The following LHCGR variants were observed in gnomAD, a reference collection of about 807,000 sequenced individuals.
The protein encoded by LHCGR is luteinizing hormone/choriogonadotropin receptor, also known as lutropin-choriogonadotropic hormone receptor.
In LHCGR, 55 loss-of-function variants were observed where a neutral mutation model predicts 60.7. That is an observed-to-expected ratio of 0.91 (90% CI 0.73 to 1.13). The LOEUF is 1.13. Ranked by LOEUF, LHCGR falls within the 50% of genes most tolerant of loss-of-function variation. The pLI, the probability that LHCGR is intolerant of heterozygous loss-of-function variation, is 0.00. For synonymous variants in LHCGR, 337 were observed against 316.5 expected (o/e 1.06, Z -0.69); for missense variants, 862 against 836.0 (o/e 1.03, Z -0.38).
chr2:48,709,321 C>T (rs778767068), intron 7 of LHCGR, among the ~76,000 whole-genome samples: 9 of 152,130 alleles, frequency 5.9e-5, no homozygotes, highest in Non-Finnish European at 1.2e-4. Flanking sequence ...AAGTTTACCA[C>T]CAGACAGCTG....
At chr2:48,725,795 G>A (rs199800412) in intron 3 of LHCGR, 45 bp from the exon 4 acceptor site, 2 of 1,429,764 alleles carry the variant, frequency 1.4e-6, no homozygotes, top group Non-Finnish European at 2.0e-6. Flanking sequence ...TAATAGATGT[G>A]TATTGTTTGA....
chr2:48,749,734 A>AG (rs2103735048), intron 1 of LHCGR, among the ~76,000 whole-genome samples: 1 of 151,648 alleles, frequency 6.6e-6, no homozygotes, highest in African/African-American at 2.4e-5. Context: ...AAAAAAAAAA[A>AG]AAAAGAAGAA....
intron 4 of LHCGR, among the ~76,000 whole-genome samples, chr2:48,725,296 A>T (rs1232059743): frequency 6.6e-6 from 1 of 152,236 alleles, no homozygotes; most frequent in Non-Finnish European, 1.5e-5. Flanking sequence ...ACCCGTGATG[A>T]GAGTCAGACC....
At chr2:48,741,302 C>A (rs1371662363) in intron 1 of LHCGR, among the ~76,000 whole-genome samples, 1 of 152,186 alleles carries the variant, frequency 6.6e-6, no homozygotes. Flanking sequence ...CCCAGTCGAG[C>A]AAGGCAGGCC....
At position 48,755,704 on chromosome 2, in the gene LHCGR, T is replaced by G. The variant is rs942214960; in HGVS notation, c.-33A>C. On this transcript the variant is annotated 5_prime_UTR_variant, in exon 1 of 11. Coordinates refer to ENST00000294954, the MANE Select transcript of LHCGR (RefSeq NM_000233.4). ...GAACTGGGCTTCTGCGGCTTGCCAGTGTCTTGGACGGCCTCTGAGTGCGGC... is the reference window on the plus strand; with the variant it reads ...GAACTGGGCTTCTGCGGCTTGCCAGGGTCTTGGACGGCCTCTGAGTGCGGC... 1 of 1,533,482 alleles carries G rather than the reference T, an allele frequency of 6.5e-7. No individual in the cohort carries two copies. Among genetic ancestry groups the G allele is most frequent in the Non-Finnish European group, 8.7e-7 (1 of 1,146,232 alleles). The allele number at this position is 1,533,482 out of a possible 1,614,324, so 95.0% of individuals were successfully genotyped here.
chr2:48,704,062 A>G (rs1466420704), intron 8 of LHCGR, among the ~76,000 whole-genome samples: 2 of 152,230 alleles, frequency 1.3e-5, no homozygotes, highest in African/African-American at 2.4e-5. Flanking sequence ...GATACATTCC[A>G]TAAATACCTA....
intron 1 of LHCGR, among the ~76,000 whole-genome samples, chr2:48,748,228 C>A (rs1669798272): frequency 6.6e-6 from 1 of 152,156 alleles, no homozygotes; most frequent in African/African-American, 2.4e-5. Flanking sequence ...TCCTGGAGGG[C>A]AGAGATGGTA....
At chr2:48,728,331 AAT>A (rs2103617929) in intron 3 of LHCGR, among the ~76,000 whole-genome samples, 1 of 152,274 alleles carries the variant, frequency 6.6e-6, no homozygotes, top group East Asian at 1.9e-4. Context: ...ACATAGAAGA[AAT>A]GCCAAGCACA....
chr2:48,700,029 T>C (rs1475152440), intron 8 of LHCGR, among the ~76,000 whole-genome samples: 2 of 152,204 alleles, frequency 1.3e-5, no homozygotes, highest in Non-Finnish European at 2.9e-5. Context: ...GAAGATGAAC[T>C]TGACAACATG....
At chr2:48,713,430 T>C (rs986793411) in intron 7 of LHCGR, among the ~76,000 whole-genome samples, 1 of 151,920 alleles carries the variant, frequency 6.6e-6, no homozygotes, top group Non-Finnish European at 1.5e-5. Flanking sequence ...TTGAGAACAG[T>C]GAGGGAAACA....
In LHCGR at chr2:48,709,426, G is replaced by A. The variant is rs567516064; in HGVS notation, c.606-404C>T. 2.6e-5 allele frequency among the ~76,000 whole-genome samples: 4 copies of A among 152,306 alleles called. No homozygotes were observed. In the South Asian group the frequency reaches 8.3e-4, roughly 32 times the overall value. ...CCTCTCAGTCATTGTGACCGTGGAGGTCTCAGAGTGTGCTAATAGTAATTT... is the reference window on the plus strand; with the variant it reads ...CCTCTCAGTCATTGTGACCGTGGAGATCTCAGAGTGTGCTAATAGTAATTT... On this transcript the variant is annotated intron_variant, in intron 7 of 10. Coordinates refer to ENST00000294954, the MANE Select transcript of LHCGR (RefSeq NM_000233.4).
chr2:48,735,712 A>G (rs1669180734), intron 1 of LHCGR, among the ~76,000 whole-genome samples: 1 of 152,196 alleles, frequency 6.6e-6, no homozygotes, highest in Non-Finnish European at 1.5e-5. Context: ...GGGCTACCCA[A>G]GTCACTCTTT....
chr2:48,748,685 C>G (rs1303489405), intron 1 of LHCGR, among the ~76,000 whole-genome samples: 1 of 152,192 alleles, frequency 6.6e-6, no homozygotes, highest in Non-Finnish European at 1.5e-5. Flanking sequence ...TCTGCATCAT[C>G]AGATTATTAC....
chr2:48,737,599 G>A (rs1669257375), intron 1 of LHCGR, among the ~76,000 whole-genome samples: 1 of 152,186 alleles, frequency 6.6e-6, no homozygotes, highest in African/African-American at 2.4e-5. Flanking sequence ...GGACTATTTG[G>A]TGGCTTCATT....
chr2:48,729,358 T>C, intron 2 of LHCGR, 131 bp from the exon 3 acceptor site: 1 of 752,450 alleles, frequency 1.3e-6, no homozygotes, highest in South Asian at 1.4e-5. Context: ...AACAAAGATG[T>C]GCAAGTTGTC....
At chr2:48,726,249 C>T (rs1429182413) in intron 3 of LHCGR, among the ~76,000 whole-genome samples, 1 of 152,204 alleles carries the variant, frequency 6.6e-6, no homozygotes, top group East Asian at 1.9e-4. Flanking sequence ...GGGCAAAAGC[C>T]AGAGGCTTGA....
intron 1 of LHCGR, among the ~76,000 whole-genome samples, chr2:48,739,802 T>TA (rs1669355751): frequency 6.6e-6 from 1 of 151,876 alleles, no homozygotes; most frequent in African/African-American, 2.4e-5. Context: ...CCCTAAAACT[T>TA]AAAGTATAAT....
At chr2:48,695,884 C>G (rs563964063) in intron 9 of LHCGR, among the ~76,000 whole-genome samples, 27 of 152,252 alleles carry the variant, frequency 1.8e-4, no homozygotes, top group African/African-American at 6.5e-4. Context: ...CTGCAGAATA[C>G]TAGAGGGGTC....
chr2:48,709,704 T>C (rs1345231474), intron 7 of LHCGR, among the ~76,000 whole-genome samples: 2 of 151,706 alleles, frequency 1.3e-5, no homozygotes, highest in African/African-American at 2.4e-5. Context: ...AAAGCTGTTA[T>C]GGAAGTAGCT....
Sources: gnomAD v4.1 joint callset for allele counts (sites outside exome capture counted in the v4.1 genomes callset) on GRCh38, gnomAD v4.1.1 for gene constraint, MANE v1.5 for transcripts, NCBI Gene and HGNC (gene_info 2026-07-23, HGNC 2026-07-21) for gene names.